XPA: variants seen among roughly 807,000 people sequenced by gnomAD.
XPA encodes XPA, DNA damage recognition and repair factor, also known as DNA repair protein complementing XP-A cells.
XPA carries 27 observed loss-of-function variants against 35.7 expected under a neutral mutation model. The ratio of observed to expected loss-of-function variants is 0.76; its 90% CI spans 0.56 to 1.04. XPA has a LOEUF of 1.04. Among genes scored for constraint, XPA ranks in the 50% least tolerant of loss-of-function variants. The pLI is 0.00. For missense variants in XPA, 354 were observed against 342.7 expected (o/e 1.03, Z -0.26); for synonymous variants, 133 against 118.4 (o/e 1.12, Z -0.80).
rs756559529 is a variant in XPA, at chr9:97,675,505, T to C, written c.756A>G (p.Leu252=). ...HQHEYGPEEN[L]EDDMYRKTCT... ...AAGTCTTACGGTACATGTCATCTTC[T>C]AGGTTTTCTTCTGGTCCATACTCAT... The change falls in exon 6 of 6, where the codon CTA becomes CTG. Residue 252 remains leucine, a synonymous_variant. Transcript: ENST00000375128. 8.7e-6 allele frequency: 14 copies of C among 1,613,920 alleles called. No homozygotes were observed. In the East Asian group the frequency reaches 2.9e-4, roughly 33 times the overall value.
At chr9:97,691,859 GCGA>G (rs1374416732) in intron 2 of XPA, among the ~76,000 whole-genome samples, 1 of 148,156 alleles carries the variant, frequency 6.7e-6, no homozygotes, top group Non-Finnish European at 1.5e-5. Context: ...CTCCAGGCTG[GCGA>G]CAGAGCAAGG....
At chr9:97,694,706 C>T (rs896974389) in intron 1 of XPA, among the ~76,000 whole-genome samples, 65 of 152,282 alleles carry the variant, frequency 4.3e-4, no homozygotes, top group African/African-American at 1.4e-3. Context: ...TCTACTAAAG[C>T]TTAACATAAC....
At chr9:97,662,837 GTTA>G in the XPA span, 4 of 727,858 alleles carry the variant, frequency 5.5e-6, no homozygotes, top group Non-Finnish European at 6.7e-6. Flanking sequence ...TTAATACTTA[GTTA>G]TTTTGCATTT....
downstream of XPA, chr9:97,672,919 G>C (rs1028241098): frequency 5.2e-5 from 8 of 153,038 alleles, no homozygotes; most frequent in African/African-American, 1.4e-4. Flanking sequence ...ACAAGGTCAG[G>C]AGATTGAGAC....
the XPA span, chr9:97,656,215 A>T: frequency 1.3e-6 from 1 of 766,632 alleles, no homozygotes; most frequent in South Asian, 1.8e-5. Context: ...TTTTTAATCA[A>T]GACTTAGGCT....
At chr9:97,674,665 T>C (rs575199515), downstream of XPA, among the ~76,000 whole-genome samples, 3 of 152,336 alleles carry the variant, frequency 2.0e-5, no homozygotes, top group African/African-American at 7.2e-5. Flanking sequence ...GAAAGCAGCA[T>C]GGAAGCAAGC....
At chr9:97,665,703 G>A in the XPA span, among the ~76,000 whole-genome samples, 3 of 152,178 alleles carry the variant, frequency 2.0e-5, no homozygotes, top group Non-Finnish European at 2.9e-5. Context: ...GTAGAAGGAA[G>A]TACAGTTCAC....
the XPA span, among the ~76,000 whole-genome samples, chr9:97,660,703 C>T: frequency 1.6e-4 from 24 of 152,282 alleles, 1 homozygote; most frequent in East Asian, 4.6e-3. Flanking sequence ...TTTTACTTAG[C>T]TAAGTGTCCT....
the XPA span, chr9:97,655,675 C>T: frequency 6.4e-7 from 1 of 1,571,222 alleles, no homozygotes; most frequent in Non-Finnish European, 8.7e-7. Context: ...TCCTTTTTCT[C>T]TGCCTACCTC....
intron 2 of XPA, among the ~76,000 whole-genome samples, chr9:97,690,572 G>C (rs1828856989): frequency 1.3e-5 from 2 of 152,128 alleles, no homozygotes; most frequent in Non-Finnish European, 2.9e-5. Flanking sequence ...ATTTTTAGTA[G>C]AGATGGGGTT....
chr9:97,673,036 G>A, downstream of XPA: 1 of 152,564 alleles, frequency 6.6e-6, no homozygotes, highest in Non-Finnish European at 1.5e-5. Flanking sequence ...GCTGAGACAG[G>A]AGAATCGCTT....
intron 5 of XPA, chr9:97,682,264 C>T (rs767566885): frequency 5.8e-6 from 3 of 518,128 alleles, no homozygotes; most frequent in East Asian, 1.1e-4. Flanking sequence ...CCAAGAGGAA[C>T]CAGGTTCCAA....
the XPA span, chr9:97,662,834 T>G: frequency 1.4e-6 from 1 of 708,896 alleles, no homozygotes; most frequent in Non-Finnish European, 2.3e-6. Context: ...TGGTTAATAC[T>G]TAGTTATTTT....
chr9:97,690,153 C>A (rs2808668), intron 2 of XPA, among the ~76,000 whole-genome samples: 1 of 152,064 alleles, frequency 6.6e-6, no homozygotes, highest in Non-Finnish European at 1.5e-5. Flanking sequence ...GCTTCTCACA[C>A]GGCATCACCC....
At chr9:97,669,538 T>G in the XPA span, 1 of 1,262,652 alleles carries the variant, frequency 7.9e-7, no homozygotes, top group Admixed American at 1.8e-5. Context: ...TGAATTTTTT[T>G]CCAAAGTATA....
chr9:97,689,350 CATAAGCTTTA>C (rs1384818309), intron 3 of XPA, among the ~76,000 whole-genome samples, 174 bp downstream of exon 3: 2 of 152,126 alleles, frequency 1.3e-5, no homozygotes, highest in Non-Finnish European at 1.5e-5. Flanking sequence ...TGGGGTATAT[CATAAGCTTTA>C]ATAAGCACAG....
chr9:97,668,193 T>C, the XPA span, among the ~76,000 whole-genome samples: 1 of 152,254 alleles, frequency 6.6e-6, no homozygotes, highest in Admixed American at 6.5e-5. Flanking sequence ...TCTGCCACTT[T>C]CTGACTGGGT....
downstream of XPA, chr9:97,672,964 T>C (rs1168177442): frequency 2.0e-5 from 3 of 152,224 alleles, no homozygotes; most frequent in Non-Finnish European, 2.9e-5. Flanking sequence ...CTGTCTCTAC[T>C]AAAAACACAA....
chr9:97,657,072 ATTC>A, the XPA span, among the ~76,000 whole-genome samples: 1 of 152,122 alleles, frequency 6.6e-6, no homozygotes, highest in East Asian at 1.9e-4. Context: ...GGTTCACGCC[ATTC>A]TCCTGCCTCA....
Sources: gnomAD v4.1 joint callset for allele counts (sites outside exome capture counted in the v4.1 genomes callset) on GRCh38, gnomAD v4.1.1 for gene constraint, MANE v1.5 for transcripts, NCBI Gene and HGNC (gene_info 2026-07-23, HGNC 2026-07-21) for gene names.